The following C2 variants were observed in gnomAD, a reference collection of about 807,000 sequenced individuals.
C2 encodes C3/C5 convertase.
C2 carries 64 observed loss-of-function variants against 85.2 expected under a neutral mutation model. That is an observed-to-expected ratio of 0.75 (90% CI 0.61 to 0.92). C2 has a LOEUF of 0.92. Among genes scored for constraint, C2 ranks in the 40% least tolerant of loss-of-function variants. The pLI, the probability that C2 is intolerant of heterozygous loss-of-function variation, is 0.00. For synonymous variants in C2, 311 were observed against 370.8 expected (o/e 0.84, Z 1.85); for missense variants, 820 against 971.6 (o/e 0.84, Z 2.07).
intron 1 of C2, among the ~76,000 whole-genome samples, chr6:31,910,980 AAAAAT>A (rs1009188562): frequency 6.9e-6 from 1 of 144,910 alleles, no homozygotes; most frequent in African/African-American, 2.6e-5. Context: ...CTTCCATCTT[AAAAAT>A]AAAATAAAAA....
At chr6:31,923,912 G>T (rs1286255196), upstream of C2, among the ~76,000 whole-genome samples, 1 of 151,732 alleles carries the variant, frequency 6.6e-6, no homozygotes, top group African/African-American at 2.4e-5. Context: ...CCATTCTCCT[G>T]CCTCAGCCTC....
chr6:31,929,423 A>T (rs1274211663), intron 3 of C2, among the ~76,000 whole-genome samples: 2 of 152,200 alleles, frequency 1.3e-5, no homozygotes, highest in African/African-American at 4.8e-5. Context: ...TGACATTAGT[A>T]AGCATATACA....
upstream of C2, among the ~76,000 whole-genome samples, chr6:31,898,548 A>C (rs926506356): frequency 6.6e-6 from 1 of 152,116 alleles, no homozygotes; most frequent in African/African-American, 2.4e-5. Context: ...CCTGAGGCCA[A>C]TTAAAGGCCT....
chr6:31,943,651 CA>C lies in C2; in HGVS notation c.1578del (p.Lys526AsnfsTer14). ...CTAGTGTATCATTTCCAGGAGACCC[CA>C]AATCCCAGTGGGGCAAAGAATTCCT... is the stretch of plus-strand genomic sequence containing the variant. ...SLWRVNVGDP[K>X]SQWGKEFLIE... On this transcript the variant is annotated frameshift_variant, in exon 13 of 18. Coordinates refer to ENST00000299367, the MANE Select transcript of C2 (RefSeq NM_000063.6). LOFTEE classifies it high-confidence loss of function. This position sits in a 1 kb window ranked among gnomAD's most constrained non-coding sequence, Gnocchi z 6.4. 6.2e-7 allele frequency: 1 copy of C among 1,613,064 alleles called. No individual in the cohort carries two copies. Among genetic ancestry groups the C allele is most frequent in the Non-Finnish European group, 8.5e-7 (1 of 1,180,018 alleles).
chr6:31,924,192 C>T (rs1478347235), upstream of C2, among the ~76,000 whole-genome samples: 1 of 152,200 alleles, frequency 6.6e-6, no homozygotes, highest in Non-Finnish European at 1.5e-5. Flanking sequence ...TAACGTGTAT[C>T]CTAATAAACA....
chr6:31,937,723 G>C (rs1770545799), intron 8 of C2, among the ~76,000 whole-genome samples: 1 of 150,422 alleles, frequency 6.6e-6, no homozygotes, highest in Non-Finnish European at 1.5e-5. Flanking sequence ...ATAAAATAGG[G>C]CCAGTGTGGT....
chr6:31,899,864 C>G, upstream of C2: 1 of 1,497,250 alleles, frequency 6.7e-7, no homozygotes, highest in Non-Finnish European at 8.9e-7. Flanking sequence ...TCTCCTGGGC[C>G]AAAGAGCCCT....
At chr6:31,927,693 G>T (rs1031372379), upstream of C2, 7 of 1,612,550 alleles carry the variant, frequency 4.3e-6, no homozygotes, top group South Asian at 6.6e-5. The surrounding 1 kb of genome is among the most constrained non-coding windows in gnomAD (Gnocchi z 4.7). Context: ...TTTTCGGGAA[G>T]TCAGATGACC....
rs761444979 is a variant in C2 at position 31,911,142 on chromosome 6, T to TA, written c.73+10004dup. ...GGTGAAACCCCGTCTCTACTAAAAA[T>TA]ACGAAAATTAGCCAGACGTGGTGGC... On this transcript the variant is annotated intron_variant, in intron 1 of 3. Transcript: ENST00000452202. Among the ~76,000 whole-genome samples, 9 of 151,648 alleles carry TA rather than the reference T, an allele frequency of 5.9e-5. No homozygotes were observed. The East Asian group carries it at 1.2e-3, about 20-fold the overall frequency.
chr6:31,903,680 C>T (rs1767534152), intron 1 of C2, among the ~76,000 whole-genome samples: 1 of 152,024 alleles, frequency 6.6e-6, no homozygotes. Context: ...TGAAGTAATT[C>T]CTCTTTGGCT....
In C2 at chr6:31,920,397, A is replaced by G. The variant is rs1355175049; in HGVS notation, c.-100+371A>G. 2.0e-5 allele frequency among the ~76,000 whole-genome samples: 3 copies of G among 152,166 alleles called. No individual in the cohort carries two copies. Among genetic ancestry groups the G allele is most frequent in the African/African-American group, 4.8e-5 (2 of 41,434 alleles). Reference sequence around the variant, plus strand: ...GGAAAACATTAGAGAGGAATTTTCAATGAAAGGGCAGAGGAGGCTAGTGAG... The same window carrying G: ...GGAAAACATTAGAGAGGAATTTTCAGTGAAAGGGCAGAGGAGGCTAGTGAG... On this transcript the variant is annotated intron_variant, in intron 1 of 3. Coordinates refer to the C2 transcript ENST00000413154. The surrounding 1 kb of genome is among the most constrained non-coding windows in gnomAD (Gnocchi z 5.6).
At chr6:31,940,952 A>G (rs1430531005) in intron 9 of C2, among the ~76,000 whole-genome samples, 1 of 152,104 alleles carries the variant, frequency 6.6e-6, no homozygotes, top group East Asian at 1.9e-4. Context: ...AAGGGGTGCA[A>G]AGGCTGGGAG....
intron 8 of C2, among the ~76,000 whole-genome samples, chr6:31,938,477 C>T (rs1554281941): frequency 7.2e-6 from 1 of 138,710 alleles, no homozygotes; most frequent in African/African-American, 2.7e-5. Context: ...TATATGTATA[C>T]ATACATATAT....
At chr6:31,939,382 C>A in intron 9 of C2, 62 bp downstream of exon 9, 1 of 1,218,524 alleles carries the variant, frequency 8.2e-7, no homozygotes, top group Non-Finnish European at 1.2e-6. Flanking sequence ...AGATCTTCAG[C>A]CAGGGATCCC....
At position 31,935,914 on chromosome 6, in the gene C2, C is replaced by T; in HGVS notation, c.850-9C>T. ...GCCCTTTACGCTGCCTCTCACTTGC[C>T]CCGCACAGATCTTCAGCTTTGAGAT... On this transcript the variant is annotated splice_polypyrimidine_tract_variant and intron_variant, in intron 6 of 17. Coordinates refer to ENST00000299367, the MANE Select transcript of C2 (RefSeq NM_000063.6). The surrounding 1 kb of genome is among the most constrained non-coding windows in gnomAD (Gnocchi z 4.3). The T allele has an allele frequency of 6.2e-7, 1 of 1,612,894 alleles. No homozygotes were observed. Among genetic ancestry groups the T allele is most frequent in the African/African-American group, 1.3e-5 (1 of 75,014 alleles).
At chr6:31,901,043 C>T (rs772154668) in exon 1 of C2, 1 of 1,614,204 alleles carries the variant, frequency 6.2e-7, no homozygotes, top group Non-Finnish European at 8.5e-7. Flanking sequence ...GCCCGTGTAG[C>T]AGGAGAGGAG....
At chr6:31,931,133 C>T (rs1226450782) in intron 3 of C2, among the ~76,000 whole-genome samples, 1 of 152,140 alleles carries the variant, frequency 6.6e-6, no homozygotes, top group Non-Finnish European at 1.5e-5. Context: ...TGTATCAGTA[C>T]TTTGTTCTTT....
chr6:31,916,619 C>A (rs1768527882), upstream of C2, among the ~76,000 whole-genome samples: 1 of 151,214 alleles, frequency 6.6e-6, no homozygotes, highest in South Asian at 2.1e-4. Flanking sequence ...TCGATTCCCC[C>A]AGGCCCTCCT....
rs9281622 is a variant in C2, at chr6:31,907,841, C to CTTTTTTTTT, written c.73+6716_73+6724dup. The stretch of plus-strand genomic sequence containing the variant: ...TACAGGCGTGCGCTACCACTTCTGG[C>CTTTTTTTTT]TTTTTTTTTTTTTTTTTTTTTTGAG... On this transcript the variant is annotated intron_variant, in intron 1 of 3. Transcript: ENST00000452202. Among the ~76,000 whole-genome samples the CTTTTTTTTT allele has an allele frequency of 2.9e-4, 20 of 67,976 alleles. 1 individual carries two copies. The highest frequency in any genetic ancestry group is 5.4e-4 in the East Asian group (1 of 1,844). 44.6% of individuals were successfully genotyped at this position (67,976 alleles called of 152,430 possible).
Sources: gnomAD v4.1 joint callset for allele counts (sites outside exome capture counted in the v4.1 genomes callset) on GRCh38, gnomAD v4.1.1 for gene constraint, Gnocchi (gnomAD v3.1) non-coding constraint, MANE v1.5 for transcripts, NCBI Gene and HGNC (gene_info 2026-07-23, HGNC 2026-07-21) for gene names.